HEMK2: variants seen among roughly 807,000 people sequenced by gnomAD.
The protein encoded by HEMK2 is methyltransferase HEMK2.
chr21:28,759,221 G>A, the HEMK2 span, among the ~76,000 whole-genome samples: 1 of 152,176 alleles, frequency 6.6e-6, no homozygotes, highest in Non-Finnish European at 1.5e-5. Flanking sequence ...CCAAGGGCAT[G>A]GGAACCCACC....
At chr21:28,666,503 T>C in the HEMK2 span, among the ~76,000 whole-genome samples, 176 of 152,278 alleles carry the variant, frequency 1.2e-3, no homozygotes, top group African/African-American at 3.8e-3. Flanking sequence ...GGCAGATAAA[T>C]AGACTTAGCA....
the HEMK2 span, among the ~76,000 whole-genome samples, chr21:28,582,457 A>G: frequency 2.6e-5 from 4 of 152,162 alleles, no homozygotes; most frequent in Non-Finnish European, 4.4e-5. Context: ...TACCAGTAAC[A>G]TATTATTCTG....
At chr21:28,767,285 G>A in the HEMK2 span, among the ~76,000 whole-genome samples, 1 of 151,612 alleles carries the variant, frequency 6.6e-6, no homozygotes, top group Non-Finnish European at 1.5e-5. Context: ...TGCCAGTCTC[G>A]GGTATGTCTT....
At chr21:28,599,594 T>C in the HEMK2 span, among the ~76,000 whole-genome samples, 1 of 152,110 alleles carries the variant, frequency 6.6e-6, no homozygotes, top group Admixed American at 6.5e-5. Context: ...ATTCTGCCCA[T>C]AGCCCCTCCC....
chr21:28,828,342 G>GAGGGGAGTT, the HEMK2 span, among the ~76,000 whole-genome samples: 2 of 152,290 alleles, frequency 1.3e-5, no homozygotes, highest in East Asian at 3.9e-4. Flanking sequence ...GCTAAGGAAA[G>GAGGGGAGTT]AGGGGAGTTG....
At chr21:28,846,312 C>T in the HEMK2 span, among the ~76,000 whole-genome samples, 17 of 152,018 alleles carry the variant, frequency 1.1e-4, no homozygotes, top group Non-Finnish European at 1.8e-4. Context: ...GGATATATAC[C>T]CAGTAATGGG....
At chr21:28,797,658 T>G in the HEMK2 span, among the ~76,000 whole-genome samples, 3 of 151,732 alleles carry the variant, frequency 2.0e-5, no homozygotes, top group African/African-American at 7.3e-5. Context: ...AGAATCCAAT[T>G]CTCAGTATTA....
At chr21:28,695,684 G>A in the HEMK2 span, among the ~76,000 whole-genome samples, 1 of 151,976 alleles carries the variant, frequency 6.6e-6, no homozygotes, top group South Asian at 2.1e-4. Flanking sequence ...TTTGGGTAGG[G>A]ACACAGCCAA....
the HEMK2 span, among the ~76,000 whole-genome samples, chr21:28,649,994 A>T: frequency 3.9e-5 from 6 of 152,346 alleles, no homozygotes; most frequent in African/African-American, 1.4e-4. Context: ...TATAAAGAAC[A>T]TCTGAAATTC....
the HEMK2 span, among the ~76,000 whole-genome samples, chr21:28,661,076 T>A: frequency 1.3e-5 from 2 of 152,128 alleles, no homozygotes; most frequent in African/African-American, 4.8e-5. Flanking sequence ...GGTTATTTAC[T>A]GACATTATTT....
chr21:28,618,177 G>A, the HEMK2 span, among the ~76,000 whole-genome samples: 1 of 152,106 alleles, frequency 6.6e-6, no homozygotes, highest in Non-Finnish European at 1.5e-5. Context: ...AATAATATGA[G>A]TGGTACAATA....
At chr21:28,882,026 C>A in the HEMK2 span, 1 of 537,864 alleles carries the variant, frequency 1.9e-6, no homozygotes, top group Admixed American at 4.0e-5. Flanking sequence ...TGGATTACAT[C>A]AACAAAGAAT....
At chr21:28,857,101 T>C in the HEMK2 span, among the ~76,000 whole-genome samples, 1 of 152,188 alleles carries the variant, frequency 6.6e-6, no homozygotes, top group African/African-American at 2.4e-5. Context: ...GACCATGTGT[T>C]TTACACAGAG....
At chr21:28,796,128 T>C in the HEMK2 span, among the ~76,000 whole-genome samples, 9 of 152,244 alleles carry the variant, frequency 5.9e-5, no homozygotes, top group Admixed American at 1.3e-4. Flanking sequence ...CTAGAATAAA[T>C]GTATTTTATT....
the HEMK2 span, among the ~76,000 whole-genome samples, chr21:28,854,364 A>G: frequency 6.6e-6 from 1 of 152,174 alleles, no homozygotes; most frequent in Non-Finnish European, 1.5e-5. Context: ...TTAAGCAGCC[A>G]AGTCCAGAAA....
At chr21:28,654,194 G>C in the HEMK2 span, among the ~76,000 whole-genome samples, 1 of 152,128 alleles carries the variant, frequency 6.6e-6, no homozygotes, top group African/African-American at 2.4e-5. Context: ...GATCAGAACA[G>C]GTTCGTACAA....
chr21:28,876,566 T>G, the HEMK2 span: 2 of 833,968 alleles, frequency 2.4e-6, no homozygotes, highest in African/African-American at 3.5e-5. Flanking sequence ...ATTTAATAAG[T>G]TAAACACAGA....
At chr21:28,830,781 G>C in the HEMK2 span, among the ~76,000 whole-genome samples, 1 of 151,876 alleles carries the variant, frequency 6.6e-6, no homozygotes, top group African/African-American at 2.4e-5. Flanking sequence ...GGAGGCTGAG[G>C]CAGGAGAATC....
the HEMK2 span, among the ~76,000 whole-genome samples, chr21:28,691,483 T>C: frequency 2.0e-5 from 3 of 152,174 alleles, no homozygotes; most frequent in Admixed American, 2.0e-4. Flanking sequence ...TCTGAAGCCT[T>C]TTCTCATGAC....
Sources: gnomAD v4.1 joint callset for allele counts (sites outside exome capture counted in the v4.1 genomes callset) on GRCh38, gnomAD v4.1.1 for gene constraint, MANE v1.5 for transcripts, NCBI Gene and HGNC (gene_info 2026-07-23, HGNC 2026-07-21) for gene names.